The following PIK3AP1 variants were observed in gnomAD, a reference collection of about 807,000 sequenced individuals.
PIK3AP1 encodes the protein phosphoinositide-3-kinase adaptor protein 1, also known as phosphoinositide 3-kinase adapter protein 1.
Under a neutral mutation model 88.1 loss-of-function variants are expected in PIK3AP1, and 21 were observed. The ratio of observed to expected loss-of-function variants is 0.24; its 90% CI spans 0.17 to 0.34. The LOEUF (loss-of-function observed/expected upper bound fraction) is 0.34, where lower values mean the gene tolerates loss of function less well. Among genes scored for constraint, PIK3AP1 ranks in the 10% least tolerant of loss-of-function variants. The pLI is 1.00. For missense variants in PIK3AP1, 828 were observed against 1,035.7 expected (o/e 0.80, Z 2.75); for synonymous variants, 398 against 400.0 (o/e 1.00, Z 0.06).
intron 2 of PIK3AP1, among the ~76,000 whole-genome samples, chr10:96,671,113 A>T (rs1843840258): frequency 6.6e-6 from 1 of 152,224 alleles, no homozygotes; most frequent in African/African-American, 2.4e-5. Context: ...TTCCTCAGAA[A>T]TTCAGCATCA....
Position 96,593,747 on chromosome 10 carries a change from A to G in PIK3AP1, c.*1830T>C, listed in dbSNP as rs1380657802. 4 of 152,236 alleles carry G rather than the reference A, an allele frequency of 2.6e-5. No homozygotes were observed. Among genetic ancestry groups the G allele is most frequent in the African/African-American group, 4.8e-5 (2 of 41,470 alleles). 9.4% of individuals were successfully genotyped at this position (152,236 alleles called of 1,614,324 possible). A position where few individuals can be genotyped will look rare whatever the true frequency, so the allele number is the denominator to read the frequency against. On this transcript the variant is annotated 3_prime_UTR_variant, in exon 17 of 17. Coordinates refer to ENST00000339364, the MANE Select transcript of PIK3AP1 (RefSeq NM_152309.3). The stretch of plus-strand genomic sequence containing the variant: ...TGCCAGGTCCTGTACAAGGTAATTA[A>G]TTACTACAAACACTCTCGTGATGGA...
chr10:96,711,739 A>ATTTTTTTTTTTTTTTTTTTTT lies in PIK3AP1; in HGVS notation c.14-1777_14-1757dup, dbSNP rs763923650. Among the ~76,000 whole-genome samples the ATTTTTTTTTTTTTTTTTTTTT allele has an allele frequency of 2.3e-4, 15 of 66,446 alleles. 2 individuals are homozygous for ATTTTTTTTTTTTTTTTTTTTT. Among genetic ancestry groups the ATTTTTTTTTTTTTTTTTTTTT allele is most frequent in the African/African-American group, 1.1e-3 (15 of 14,256 alleles). 43.6% of individuals were successfully genotyped at this position (66,446 alleles called of 152,430 possible). A position where few individuals can be genotyped will look rare whatever the true frequency, so the allele number is the denominator to read the frequency against. On this transcript the variant is annotated intron_variant, in intron 1 of 16. Coordinates refer to ENST00000339364, the MANE Select transcript of PIK3AP1 (RefSeq NM_152309.3). The stretch of plus-strand genomic sequence containing the variant: ...ATTTCCCCCAGGATGAGATTACCAA[A>ATTTTTTTTTTTTTTTTTTTTT]TTTTTTTTTTTTTTTTTTTTTTTTT...
intron 2 of PIK3AP1, among the ~76,000 whole-genome samples, chr10:96,657,170 A>G (rs1843626511): frequency 6.6e-6 from 1 of 152,168 alleles, no homozygotes. Flanking sequence ...CATGGAGGGG[A>G]AGGCCAGAAA....
At chr10:96,651,459 A>G in intron 5 of PIK3AP1, 50 bp downstream of exon 5, 3 of 1,614,018 alleles carry the variant, frequency 1.9e-6, no homozygotes, top group Non-Finnish European at 2.5e-6. Flanking sequence ...ATAAGCCATG[A>G]GCAGAAATTA....
At chr10:96,617,204 G>T (rs1236000264) in intron 12 of PIK3AP1, among the ~76,000 whole-genome samples, 1 of 152,196 alleles carries the variant, frequency 6.6e-6, no homozygotes. Flanking sequence ...GCCTCTTTGA[G>T]ATACTGTGAG....
chr10:96,602,804 C>T (rs562319983), intron 15 of PIK3AP1, among the ~76,000 whole-genome samples: 4 of 152,176 alleles, frequency 2.6e-5, no homozygotes, highest in African/African-American at 9.7e-5. Flanking sequence ...ACACATGTCC[C>T]AAATTGGGCC....
chr10:96,634,344 T>A (rs531899963), intron 8 of PIK3AP1, among the ~76,000 whole-genome samples: 11 of 152,272 alleles, frequency 7.2e-5, no homozygotes, highest in African/African-American at 2.6e-4. Flanking sequence ...TTGAACAGAC[T>A]GCATGCAGGG....
chr10:96,630,199 C>T (rs1377048587), intron 8 of PIK3AP1, among the ~76,000 whole-genome samples: 1 of 152,138 alleles, frequency 6.6e-6, no homozygotes, highest in East Asian at 1.9e-4. Flanking sequence ...ATTTCTACTT[C>T]TTCAGTTTAT....
At chr10:96,700,798 C>CT in intron 2 of PIK3AP1, 1 of 985,632 alleles carries the variant, frequency 1.0e-6, no homozygotes, top group Non-Finnish European at 1.2e-6. Flanking sequence ...TCGTCCATGA[C>CT]TTACCATCTG....
At chr10:96,719,255 G>C (rs534343547) in intron 1 of PIK3AP1, among the ~76,000 whole-genome samples, 1 of 152,068 alleles carries the variant, frequency 6.6e-6, no homozygotes, top group African/African-American at 2.4e-5. Context: ...CTCTGCTTCC[G>C]AAGCACCCTT....
At position 96,692,568 on chromosome 10, in the gene PIK3AP1, A is replaced by T. The variant is rs554160521; in HGVS notation, c.430+16999T>A. On this transcript the variant is annotated intron_variant, in intron 2 of 16. Transcript: ENST00000339364. ...GCTTACTCTGACAGAGCAAGATTCC[A>T]TCTCAAAAAAAAAAAGAAAGAAAGA... 2.0e-5 allele frequency among the ~76,000 whole-genome samples: 3 copies of T among 151,976 alleles called. No homozygotes were observed. In the East Asian group the frequency reaches 5.8e-4, roughly 29 times the overall value.
chr10:96,611,457 T>A (rs1429612365), intron 13 of PIK3AP1, among the ~76,000 whole-genome samples: 15 of 152,068 alleles, frequency 9.9e-5, no homozygotes, highest in Admixed American at 9.8e-4. Context: ...CTTCCTGCTC[T>A]GACTTAGATT....
At position 96,648,680 on chromosome 10, in the gene PIK3AP1, C is replaced by T. The variant is rs748665120; in HGVS notation, c.1164G>A (p.Arg388=). ...IAEKHGFRDL[R]QFIDEYVETV... ...TTACCACATACTCGTCGATGAACTG[C>T]CGCAGGTCCCTGAAGCCGTGTTTCT... is the stretch of plus-strand genomic sequence containing the variant. The change falls in exon 7 of 17, where the codon CGG becomes CGA. Residue 388 remains arginine (R), a synonymous_variant. Coordinates refer to ENST00000339364, the MANE Select transcript of PIK3AP1 (RefSeq NM_152309.3). The T allele has an allele frequency of 1.8e-5, 29 of 1,608,886 alleles. No individual in the cohort carries two copies. The highest frequency in any genetic ancestry group is 2.4e-5 in the Non-Finnish European group (28 of 1,177,948).
chr10:96,682,813 C>G (rs1844020944), intron 2 of PIK3AP1, among the ~76,000 whole-genome samples: 1 of 152,202 alleles, frequency 6.6e-6, no homozygotes, highest in African/African-American at 2.4e-5. Flanking sequence ...TTTTCCATCT[C>G]TGATGTAATC....
chr10:96,715,532 T>A (rs1297613294), intron 1 of PIK3AP1, among the ~76,000 whole-genome samples: 1 of 152,186 alleles, frequency 6.6e-6, no homozygotes, highest in Non-Finnish European at 1.5e-5. Flanking sequence ...ATATGAGAAC[T>A]CTCTGTACTA....
At chr10:96,643,476 G>A (rs918588261) in intron 8 of PIK3AP1, among the ~76,000 whole-genome samples, 2 of 152,190 alleles carry the variant, frequency 1.3e-5, no homozygotes, top group African/African-American at 2.4e-5. Flanking sequence ...GTGGATGGTA[G>A]CGATGGTGCT....
chr10:96,694,564 C>T (rs1208540019), intron 2 of PIK3AP1, among the ~76,000 whole-genome samples: 2 of 136,806 alleles, frequency 1.5e-5, no homozygotes, highest in Non-Finnish European at 3.1e-5. Context: ...TTCAGGGTCT[C>T]CCTCTGTTGC....
At chr10:96,717,655 G>A (rs1844520057) in intron 1 of PIK3AP1, among the ~76,000 whole-genome samples, 1 of 152,162 alleles carries the variant, frequency 6.6e-6, no homozygotes, top group Non-Finnish European at 1.5e-5. Context: ...GGAGAGAGGG[G>A]GCAAGAGACG....
intron 2 of PIK3AP1, among the ~76,000 whole-genome samples, chr10:96,667,103 G>A (rs1217411415): frequency 6.6e-6 from 1 of 152,228 alleles, no homozygotes; most frequent in Middle Eastern, 3.2e-3. Context: ...CAAGGATGGG[G>A]TTTAAGTCAA....
Sources: allele counts gnomAD v4.1 joint callset (sites outside exome capture counted in the v4.1 genomes callset), GRCh38; gene constraint gnomAD v4.1.1; transcripts MANE v1.5; gene names NCBI Gene and HGNC (gene_info 2026-07-23, HGNC 2026-07-21).